Variants in TTC32 observed in about 807,000 individuals in gnomAD.
TTC32 encodes tetratricopeptide repeat domain 32, also known as tetratricopeptide repeat protein 32.
A neutral mutation model predicts 15.3 loss-of-function variants in TTC32; 16 were observed. That is an observed-to-expected ratio of 1.05 (90% CI 0.71 to 1.59). TTC32 has a LOEUF of 1.59. Ranked by LOEUF, TTC32 falls within the 40% of genes most tolerant of loss-of-function variation. TTC32 has a pLI of 0.00. For missense variants in TTC32, 188 were observed against 181.9 expected, an observed-to-expected ratio of 1.03 and a Z score of -0.19; for synonymous variants, 89 against 67.8, an observed-to-expected ratio of 1.31 and a Z score of -1.53.
chr2:19,901,864 G>A lies in TTC32; in HGVS notation c.-10C>T. 2 of 1,613,976 alleles carry A rather than the reference G, an allele frequency of 1.2e-6. No homozygotes were observed. The highest frequency in any genetic ancestry group is 1.3e-5 in the African/African-American group (1 of 75,052). ...GCCGCTGTCCTTCCATAGCAGCCAA[G>A]GCCTAGTTTTCGGTGTAGAATGGGG... On this transcript the variant is annotated 5_prime_UTR_variant, in exon 1 of 3. Coordinates refer to ENST00000333610, the MANE Select transcript of TTC32 (RefSeq NM_001008237.3).
chr2:19,900,115 A>G (rs1669576752), intron 1 of TTC32, among the ~76,000 whole-genome samples: 1 of 152,244 alleles, frequency 6.6e-6, no homozygotes, highest in Admixed American at 6.5e-5. Context: ...TAGCTATTAT[A>G]TATGCTACAG....
chr2:19,901,079 A>G (rs1669593802), intron 1 of TTC32: 3 of 471,288 alleles, frequency 6.4e-6, no homozygotes, highest in African/African-American at 2.0e-5. Flanking sequence ...GATATTAAGT[A>G]ACTATGTGAT....
Position 19,897,989 on chromosome 2 carries a change from G to A in TTC32, c.196C>T (p.Gln66Ter), listed in dbSNP as rs1364001271. The A allele has an allele frequency of 6.2e-7, 1 of 1,607,434 alleles. No individual in the cohort carries two copies. The part of the protein sequence containing the change: ...DLATAYNNRG[Q>*]IKYFRVDFYE... ...AAATCAACCCTGAAGTACTTGATTT[G>A]CCCCCTGTTGTTATATGCAGTAGCC... Residue 66 changes from glutamine to a stop codon, truncating the protein, a stop_gained, in exon 2 of 3, where the codon CAA (glutamine) becomes TAA (stop). Transcript: ENST00000333610. LOFTEE classifies it high-confidence loss of function.
intron 1 of TTC32, among the ~76,000 whole-genome samples, chr2:19,900,274 T>G (rs138352900): frequency 6.6e-6 from 1 of 152,232 alleles, no homozygotes; most frequent in African/African-American, 2.4e-5. Context: ...TCGCTTTCTA[T>G]GTTTACTTAT....
At position 19,897,270 on chromosome 2, in the gene TTC32, A is replaced by AATAAT. The variant is rs558293035; in HGVS notation, c.317-149_317-145dup. On this transcript the variant is annotated intron_variant, in intron 2 of 2. Coordinates refer to ENST00000333610, the MANE Select transcript of TTC32 (RefSeq NM_001008237.3). ...TCTAGTAAAGGAATCTTTTTATCTT[A>AATAAT]ATAATATAGAGATGTGTATATCAAA... 240 of 790,252 alleles carry AATAAT rather than the reference A, an allele frequency of 3.0e-4. 1 individual carries two copies. In the African/African-American group the frequency reaches 4.0e-3, roughly 13 times the overall value. 49.0% of individuals were successfully genotyped at this position (790,252 alleles called of 1,614,324 possible).
At chr2:19,897,450 C>G (rs937703281) in intron 2 of TTC32, among the ~76,000 whole-genome samples, 3 of 152,144 alleles carry the variant, frequency 2.0e-5, no homozygotes, top group African/African-American at 7.2e-5. Context: ...GAAACGGGAA[C>G]TAATTTTCTT....
At chr2:19,900,604 G>A (rs769532032) in intron 1 of TTC32, among the ~76,000 whole-genome samples, 5 of 152,082 alleles carry the variant, frequency 3.3e-5, no homozygotes, top group Admixed American at 1.3e-4. Flanking sequence ...AAGCCCAGTC[G>A]AGGCAAGACT....
chr2:19,901,126 GAATAC>G (rs1669595018), intron 1 of TTC32: 1 of 469,536 alleles, frequency 2.1e-6, no homozygotes. Context: ...ATCCATGGAT[GAATAC>G]AATAGGTAAA....
intron 2 of TTC32, among the ~76,000 whole-genome samples, chr2:19,897,497 C>T (rs1458501376): frequency 6.6e-6 from 1 of 152,066 alleles, no homozygotes; most frequent in Non-Finnish European, 1.5e-5. Flanking sequence ...ACCTATGGTC[C>T]CTTTAATCCA....
intron 1 of TTC32, among the ~76,000 whole-genome samples, chr2:19,899,291 C>T (rs1669561833): frequency 6.6e-6 from 1 of 152,206 alleles, no homozygotes; most frequent in African/African-American, 2.4e-5. Flanking sequence ...CTCCCCTTCA[C>T]CTATGTGTGA....
In TTC32 at chr2:19,901,670, C is replaced by CG. The variant is rs1558312727; in HGVS notation, c.149+35dup. 6 of 1,597,052 alleles carry CG rather than the reference C, an allele frequency of 3.8e-6. No individual in the cohort carries two copies. The Admixed American group carries it at 5.1e-5, about 14-fold the overall frequency. ...AAACAACCCCAACGTCGCCTCCACC[C>CG]GGGGTCGCCGCGGCCCCAGGTCTCG... On this transcript the variant is annotated intron_variant, in intron 1 of 2. Coordinates refer to ENST00000333610, the MANE Select transcript of TTC32 (RefSeq NM_001008237.3).
At chr2:19,901,501 G>C (rs1432167952) in intron 1 of TTC32, 5 of 623,632 alleles carry the variant, frequency 8.0e-6, no homozygotes, top group African/African-American at 1.9e-5. Flanking sequence ...CTCCTCACGG[G>C]TGGGCTTCTC....
chr2:19,899,744 C>A (rs1011746906), intron 1 of TTC32, among the ~76,000 whole-genome samples: 1 of 150,732 alleles, frequency 6.6e-6, no homozygotes, highest in Non-Finnish European at 1.5e-5. Context: ...TATATATACA[C>A]ACACACTTTG....
At chr2:19,899,923 T>C (rs562445597) in intron 1 of TTC32, among the ~76,000 whole-genome samples, 6 of 152,270 alleles carry the variant, frequency 3.9e-5, no homozygotes, top group Admixed American at 1.3e-4. Flanking sequence ...AGGGAAAAAG[T>C]TGAAATGACA....
intron 1 of TTC32, 115 bp downstream of exon 1, chr2:19,901,591 T>C: frequency 7.2e-7 from 1 of 1,389,396 alleles, no homozygotes; most frequent in Non-Finnish European, 9.7e-7. Context: ...TCAGTCCTAG[T>C]GCTGGGTTAT....
intron 1 of TTC32, chr2:19,901,181 C>T (rs1669596897): frequency 2.3e-6 from 1 of 427,046 alleles, no homozygotes; most frequent in Admixed American, 2.9e-5. Flanking sequence ...CCTAGACGTT[C>T]GTTATGCTCT....
In TTC32 at chr2:19,896,805, T is replaced by A; in HGVS notation, c.*182A>T. On this transcript the variant is annotated 3_prime_UTR_variant, in exon 3 of 3. Coordinates refer to ENST00000333610, the MANE Select transcript of TTC32 (RefSeq NM_001008237.3). ...ATATACACTTATACATTGGTATTAT[T>A]TACACTTCATTAAAAAAAACCCATT... The A allele has an allele frequency of 3.1e-6, 1 of 325,424 alleles. No homozygotes were observed. The highest frequency in any genetic ancestry group is 5.6e-6 in the Non-Finnish European group (1 of 179,636). The allele number at this position is 325,424 out of a possible 1,614,324, so 20.2% of individuals were successfully genotyped here. A position where few individuals can be genotyped will look rare whatever the true frequency, so the allele number is the denominator to read the frequency against.
chr2:19,901,777 C>T lies in TTC32; in HGVS notation c.78G>A (p.Glu26=), dbSNP rs1227214282. ...QAHFNNGEYA[E]AEALYSAYIR... ...TGTAAGCGGAGTACAGTGCCTCGGC[C>T]TCCGCGTACTCTCCATTGTTGAAAT... Residue 26 remains glutamate, a synonymous_variant, in exon 1 of 3, where the codon GAG becomes GAA. Coordinates refer to ENST00000333610, the MANE Select transcript of TTC32 (RefSeq NM_001008237.3). The T allele has an allele frequency of 1.9e-6, 3 of 1,614,108 alleles. No homozygotes were observed. The highest frequency in any genetic ancestry group is 1.1e-5 in the South Asian group (1 of 91,080).
chr2:19,898,004 A>G lies in TTC32; in HGVS notation c.181T>C (p.Tyr61His). 1 of 1,598,124 alleles carries G rather than the reference A, an allele frequency of 6.3e-7. No individual in the cohort carries two copies. The highest frequency in any genetic ancestry group is 8.6e-7 in the Non-Finnish European group (1 of 1,169,110). ...TACTTGATTTGCCCCCTGTTGTTAT[A>G]TGCAGTAGCCAAATCCTCAGGGCTG... ...KCSPEDLATA[Y>H]NNRGQIKYFR... The change falls in exon 2 of 3, where the codon TAT becomes CAT. Residue 61 changes from tyrosine to histidine, a missense_variant. By Grantham distance (83) the Tyr-to-His change is moderately conservative. Transcript: ENST00000333610.
Sources: gnomAD v4.1 joint callset for allele counts (sites outside exome capture counted in the v4.1 genomes callset) on GRCh38, gnomAD v4.1.1 for gene constraint, MANE v1.5 for transcripts, NCBI Gene and HGNC (gene_info 2026-07-23, HGNC 2026-07-21) for gene names.